Variants in ETS1 observed in about 807,000 individuals in gnomAD.
The protein encoded by ETS1 is protein C-ets-1.
A neutral mutation model predicts 58.6 loss-of-function variants in ETS1; 15 were observed. That is an observed-to-expected ratio of 0.26 (90% CI 0.17 to 0.39). The LOEUF (loss-of-function observed/expected upper bound fraction) is 0.39, where lower values mean the gene tolerates loss of function less well. Among genes scored for constraint, ETS1 ranks in the 10% least tolerant of loss-of-function variants. ETS1 has a pLI of 1.00. For synonymous variants in ETS1, 214 were observed against 218.2 expected (o/e 0.98, Z 0.17); for missense variants, 417 against 610.5 (o/e 0.68, Z 3.34).
intron 6 of ETS1, among the ~76,000 whole-genome samples, chr11:128,485,515 C>T (rs1862605423): frequency 6.6e-6 from 1 of 152,212 alleles, no homozygotes; most frequent in South Asian, 2.1e-4. Flanking sequence ...ATAAGATGGT[C>T]CTATATCTCA....
chr11:128,470,692 TA>T (rs1448889987), intron 8 of ETS1, among the ~76,000 whole-genome samples: 5 of 151,904 alleles, frequency 3.3e-5, no homozygotes, highest in African/African-American at 9.7e-5. Context: ...AAGATGCATT[TA>T]AAAAAAATTG....
At chr11:128,550,057 C>T (rs1864205546) in intron 3 of ETS1, among the ~76,000 whole-genome samples, 1 of 152,248 alleles carries the variant, frequency 6.6e-6, no homozygotes, top group African/African-American at 2.4e-5. Flanking sequence ...ATACTACCCT[C>T]ATGCAGTGGA....
chr11:128,566,575 A>G (rs1864500851), intron 2 of ETS1, among the ~76,000 whole-genome samples: 1 of 152,138 alleles, frequency 6.6e-6, no homozygotes, highest in Non-Finnish European at 1.5e-5. Flanking sequence ...CGAGGTCAGG[A>G]GATCGAGACC....
intron 3 of ETS1, among the ~76,000 whole-genome samples, chr11:128,498,533 T>C (rs1863002233): frequency 6.6e-6 from 1 of 152,206 alleles, no homozygotes. Context: ...CAGAACTACA[T>C]GAATCCAATG....
At position 128,459,430 on chromosome 11, in the gene ETS1, C is replaced by T. The variant is rs1861848143; in HGVS notation, c.*2931G>A. On this transcript the variant is annotated 3_prime_UTR_variant, in exon 10 of 10. Coordinates refer to ENST00000392668, the MANE Select transcript of ETS1 (RefSeq NM_001143820.2). ...AAGCACATCTGATCTTTGAATGCTA[C>T]CTCCAATCCCCACAGCCACAAAAAT... 1 of 152,732 alleles carries T rather than the reference C, an allele frequency of 6.5e-6. No individual in the cohort carries two copies. The highest frequency in any genetic ancestry group is 1.5e-5 in the Non-Finnish European group (1 of 68,042). The allele number at this position is 152,732 out of a possible 1,614,324, so 9.5% of individuals were successfully genotyped here.
intron 8 of ETS1, among the ~76,000 whole-genome samples, chr11:128,475,062 G>A (rs1341313796): frequency 3.9e-5 from 6 of 152,256 alleles, no homozygotes; most frequent in Admixed American, 2.0e-4. Flanking sequence ...CCAGAGCTTC[G>A]CTCCTGTTAT....
intron 5 of ETS1, among the ~76,000 whole-genome samples, chr11:128,488,716 G>C (rs1862707768): frequency 1.3e-5 from 2 of 152,166 alleles, no homozygotes; most frequent in Non-Finnish European, 2.9e-5. Context: ...TGTTAGGGGA[G>C]GCCATGTCAT....
At chr11:128,515,730 A>G (rs905010518) in intron 3 of ETS1, among the ~76,000 whole-genome samples, 1 of 152,150 alleles carries the variant, frequency 6.6e-6, no homozygotes, top group Non-Finnish European at 1.5e-5. Flanking sequence ...CTATCTCTAC[A>G]CCATTATGAT....
chr11:128,518,771 C>T (rs2135513332), intron 3 of ETS1, among the ~76,000 whole-genome samples: 1 of 152,358 alleles, frequency 6.6e-6, no homozygotes, highest in African/African-American at 2.4e-5. Context: ...CCAAGCTGAG[C>T]AAGGACAAAG....
intron 2 of ETS1, among the ~76,000 whole-genome samples, chr11:128,560,693 T>G (rs180939728): frequency 5.1e-4 from 77 of 152,350 alleles, no homozygotes; most frequent in African/African-American, 1.7e-3. Context: ...CAATGTGCAT[T>G]CATGGACTAA....
intron 8 of ETS1, among the ~76,000 whole-genome samples, chr11:128,478,375 G>A (rs748032548): frequency 4.5e-5 from 1 of 22,302 alleles, no homozygotes; most frequent in African/African-American, 4.4e-4. Context: ...AAGGAAGGGA[G>A]GGAGGGAGGA....
chr11:128,469,526 G>C (rs565010132), intron 8 of ETS1, among the ~76,000 whole-genome samples: 1 of 152,314 alleles, frequency 6.6e-6, no homozygotes, highest in African/African-American at 2.4e-5. Flanking sequence ...CCCAGTCCAA[G>C]CATCACCCCT....
intron 3 of ETS1, among the ~76,000 whole-genome samples, chr11:128,553,624 A>G (rs1312298473): frequency 6.6e-6 from 1 of 151,824 alleles, no homozygotes; most frequent in South Asian, 2.1e-4. Context: ...CACTCACCTG[A>G]TAAGTCTTTC....
intron 3 of ETS1, among the ~76,000 whole-genome samples, chr11:128,539,498 C>T (rs995168712): frequency 6.6e-6 from 1 of 152,270 alleles, no homozygotes; most frequent in Admixed American, 6.5e-5. Context: ...CAATGAAATA[C>T]TACTGCTCAT....
chr11:128,511,493 C>T (rs1184027067), intron 3 of ETS1, among the ~76,000 whole-genome samples: 1 of 152,132 alleles, frequency 6.6e-6, no homozygotes, highest in Non-Finnish European at 1.5e-5. Flanking sequence ...CACAACCTTT[C>T]CAGAGCCTAT....
chr11:128,578,810 A>G (rs1295131108), intron 1 of ETS1, among the ~76,000 whole-genome samples: 3 of 152,344 alleles, frequency 2.0e-5, no homozygotes, highest in East Asian at 3.9e-4. Context: ...GTGGCTGTCT[A>G]TCCTAAAGAT....
chr11:128,520,402 C>T (rs1863634448), intron 3 of ETS1, among the ~76,000 whole-genome samples: 1 of 152,142 alleles, frequency 6.6e-6, no homozygotes, highest in African/African-American at 2.4e-5. Context: ...CCCATAAACA[C>T]CCATAACAAC....
At chr11:128,483,431 G>C (rs1862542316) in intron 7 of ETS1, among the ~76,000 whole-genome samples, 1 of 151,708 alleles carries the variant, frequency 6.6e-6, no homozygotes. Context: ...AGTCCCACAA[G>C]GAAGAAAGTC....
At chr11:128,522,550 C>G (rs1053240314) in intron 3 of ETS1, 1 of 182,638 alleles carries the variant, frequency 5.5e-6, no homozygotes, top group East Asian at 1.9e-4. Context: ...GGGGCCGGGC[C>G]GCGACCGCGG....
Sources: allele counts gnomAD v4.1 joint callset (sites outside exome capture counted in the v4.1 genomes callset), GRCh38; gene constraint gnomAD v4.1.1; transcripts MANE v1.5; gene names NCBI Gene and HGNC (gene_info 2026-07-23, HGNC 2026-07-21).